The following TPX2 variants were observed in gnomAD, a reference collection of about 807,000 sequenced individuals.
TPX2 encodes the protein TPX2 microtubule nucleation factor, also known as targeting protein for Xklp2.
Under a neutral mutation model 93.6 loss-of-function variants are expected in TPX2, and 21 were observed. The ratio of observed to expected loss-of-function variants is 0.22; its 90% CI spans 0.16 to 0.32. The LOEUF (loss-of-function observed/expected upper bound fraction) is 0.32, where lower values mean the gene tolerates loss of function less well. TPX2 is among the 10% of genes least tolerant of loss of function. TPX2 has a pLI of 1.00. For missense variants in TPX2, 776 were observed against 871.1 expected, an observed-to-expected ratio of 0.89 and a Z score of 1.37; for synonymous variants, 281 against 298.3, an observed-to-expected ratio of 0.94 and a Z score of 0.60.
intron 12 of TPX2, among the ~76,000 whole-genome samples, chr20:31,785,924 T>A (rs2062063338): frequency 6.6e-6 from 1 of 152,226 alleles, no homozygotes; most frequent in Non-Finnish European, 1.5e-5. Flanking sequence ...ATATTATTAT[T>A]TTAAAAATCA....
chr20:31,768,380 C>T (rs943280935), intron 5 of TPX2, among the ~76,000 whole-genome samples: 14 of 151,024 alleles, frequency 9.3e-5, no homozygotes, highest in African/African-American at 2.4e-4. Context: ...GGACTACAGG[C>T]GCCCGCCACT....
intron 8 of TPX2, among the ~76,000 whole-genome samples, chr20:31,776,894 G>T (rs920392321): frequency 2.0e-5 from 3 of 152,160 alleles, no homozygotes; most frequent in African/African-American, 7.2e-5. Flanking sequence ...TGAGACAGAA[G>T]ATAAAGTAAT....
At chr20:31,772,242 A>C (rs1338745544) in intron 7 of TPX2, among the ~76,000 whole-genome samples, 1 of 152,072 alleles carries the variant, frequency 6.6e-6, no homozygotes, top group Non-Finnish European at 1.5e-5. Flanking sequence ...GCTGGTCTCG[A>C]ATTCCTGACT....
intron 10 of TPX2, 117 bp downstream of exon 10, chr20:31,779,101 G>A (rs534900746): frequency 2.1e-5 from 24 of 1,145,122 alleles, no homozygotes; most frequent in South Asian, 6.9e-5. Context: ...AAAGTATGGC[G>A]TGTGACTATG....
At chr20:31,781,359 A>G (rs2062032433) in intron 10 of TPX2, among the ~76,000 whole-genome samples, 1 of 143,106 alleles carries the variant, frequency 7.0e-6, no homozygotes. Flanking sequence ...TCCGCCTTCC[A>G]GGTTCATGCC....
chr20:31,798,111 A>G (rs191584656), intron 16 of TPX2, among the ~76,000 whole-genome samples: 1 of 152,352 alleles, frequency 6.6e-6, no homozygotes, highest in Admixed American at 6.5e-5. Flanking sequence ...ATCAATCACT[A>G]TATAGTTTTG....
At chr20:31,786,527 C>A (rs2123069615) in intron 12 of TPX2, among the ~76,000 whole-genome samples, 1 of 152,126 alleles carries the variant, frequency 6.6e-6, no homozygotes, top group East Asian at 1.9e-4. Context: ...CCTCAGCCTC[C>A]TGAGTAGCTG....
intron 3 of TPX2, among the ~76,000 whole-genome samples, chr20:31,758,777 G>A (rs112511220): frequency 0.012 from 1,794 of 152,270 alleles, 28 homozygotes; most frequent in African/African-American, 0.041. Context: ...GGGAGGAAGG[G>A]TAAATAAATA....
intron 2 of TPX2, among the ~76,000 whole-genome samples, chr20:31,751,778 T>C (rs1312181266): frequency 3.3e-5 from 5 of 152,216 alleles, no homozygotes; most frequent in African/African-American, 7.2e-5. Flanking sequence ...GTCTCACTCT[T>C]GTCACCCAGG....
intron 4 of TPX2, among the ~76,000 whole-genome samples, chr20:31,763,925 A>G (rs1394591435): frequency 1.3e-5 from 2 of 151,588 alleles, no homozygotes; most frequent in Non-Finnish European, 2.9e-5. Flanking sequence ...AGGCTGAGGT[A>G]GGAGAATCGC....
chr20:31,759,566 A>C (rs961197487), intron 3 of TPX2, among the ~76,000 whole-genome samples: 8 of 151,738 alleles, frequency 5.3e-5, no homozygotes, highest in African/African-American at 1.9e-4. Flanking sequence ...CGCCTGGCTA[A>C]TTTTTTGTAT....
intron 9 of TPX2, among the ~76,000 whole-genome samples, chr20:31,778,406 A>G (rs1308163377): frequency 1.3e-5 from 2 of 152,148 alleles, no homozygotes; most frequent in African/African-American, 4.8e-5. Flanking sequence ...GAGAGATTCC[A>G]CTGATTCAGG....
chr20:31,757,556 A>T lies in TPX2; in HGVS notation c.80A>T (p.Asp27Val). 1 of 1,614,044 alleles carries T rather than the reference A, an allele frequency of 6.2e-7. No individual in the cohort carries two copies. Among genetic ancestry groups the T allele is most frequent in the Non-Finnish European group, 8.5e-7 (1 of 1,179,982 alleles). The change falls in exon 3 of 18, where the codon GAT becomes GTT. Residue 27 changes from aspartate (D) to valine (V), a missense_variant. Asp to Val is a radical substitution (Grantham distance 152, BLOSUM62 -3). This residue lies in a region of TPX2 where 36 missense variants were observed against 58.3 expected (regional missense o/e 0.62). Transcript: ENST00000300403. ...INFSSLDDEG[D>V]TQNIDSWFEE... Reference sequence around the variant, plus strand: ...TTTTCATCCTTGGATGATGAAGGAGATACTCAAAACATAGATTCATGGTTT... The same window carrying T: ...TTTTCATCCTTGGATGATGAAGGAGTTACTCAAAACATAGATTCATGGTTT...
rs866730422 is a variant in TPX2, at chr20:31,798,678, G to A, written c.2133+126G>A. 3.1e-5 allele frequency: 37 copies of A among 1,174,908 alleles called. No homozygotes were observed. In the African/African-American group the frequency reaches 5.6e-4, roughly 18 times the overall value. 72.8% of individuals were successfully genotyped at this position (1,174,908 alleles called of 1,614,324 possible). ...CTGTACCAAAGACAATGAGTGAAAG[G>A]GGGAATTGCACAAACTGAGGGTGGT... On this transcript the variant is annotated intron_variant, in intron 17 of 17. Transcript: ENST00000300403.
At chr20:31,744,853 G>A (rs555325893) in intron 2 of TPX2, among the ~76,000 whole-genome samples, 1 of 152,148 alleles carries the variant, frequency 6.6e-6, no homozygotes, top group Non-Finnish European at 1.5e-5. Context: ...TGAGGAGGCT[G>A]AGGCGGGCAG....
chr20:31,753,432 C>T (rs1056244684), intron 2 of TPX2, among the ~76,000 whole-genome samples: 1 of 152,158 alleles, frequency 6.6e-6, no homozygotes, highest in Non-Finnish European at 1.5e-5. Flanking sequence ...TGGCACCTGG[C>T]ATGTAATGAA....
rs777197121 is a variant in TPX2 at position 31,777,618 on chromosome 20, C to G, written c.862C>G (p.Arg288Gly). The G allele has an allele frequency of 6.2e-7, 1 of 1,613,790 alleles. No homozygotes were observed. The highest frequency in any genetic ancestry group is 8.5e-7 in the Non-Finnish European group (1 of 1,179,826). Residue 288 changes from arginine to glycine, a missense_variant, in exon 9 of 18, where the codon CGA (arginine) becomes GGA (glycine). Arg to Gly is a moderately radical substitution (Grantham distance 125). Around this residue, in one of 3 missense-constraint regions of TPX2, gnomAD observed 461 missense variants for 551.2 expected, o/e 0.84. Transcript: ENST00000300403. The stretch of plus-strand genomic sequence containing the variant: ...GGAAGTGAACTTTACATCTGAACTA[C>G]GAAAGCATCCTTCATCTCCTGTAAG... Reference protein sequence around the residue: ...YKEVNFTSELRKHPSSPARVT... With the variant: ...YKEVNFTSELGKHPSSPARVT...
chr20:31,783,974 T>C, intron 12 of TPX2, 53 bp downstream of exon 12: 2 of 1,580,520 alleles, frequency 1.3e-6, no homozygotes, highest in Non-Finnish European at 1.7e-6. Context: ...TGACCAGATA[T>C]CCACCCATTC....
intron 12 of TPX2, among the ~76,000 whole-genome samples, chr20:31,785,207 A>G (rs527388992): frequency 2.0e-5 from 3 of 152,120 alleles, no homozygotes; most frequent in East Asian, 3.9e-4. Context: ...TTTCCCTGCC[A>G]TGATGCATAT....
Sources: allele counts gnomAD v4.1 joint callset (sites outside exome capture counted in the v4.1 genomes callset), GRCh38; gene constraint gnomAD v4.1.1; regional missense constraint gnomAD v4.1.1; transcripts MANE v1.5; gene names NCBI Gene and HGNC (gene_info 2026-07-23, HGNC 2026-07-21).